The following DLGAP2 variants were observed in gnomAD, a reference collection of about 807,000 sequenced individuals.
The protein encoded by DLGAP2 is disks large-associated protein 2.
In DLGAP2, 26 loss-of-function variants were observed where a neutral mutation model predicts 100.3. That is an observed-to-expected ratio of 0.26 (90% confidence interval 0.19 to 0.36). The LOEUF is 0.36. Ranked by LOEUF, DLGAP2 falls within the 10% of genes least tolerant of loss-of-function variation. The pLI is 1.00. For synonymous variants in DLGAP2, 886 were observed against 630.1 expected (o/e 1.41, Z -6.08); for missense variants, 1,858 against 1,453.2 (o/e 1.28, Z -4.53).
At chr8:859,323 G>T (rs1001131117) in intron 1 of DLGAP2, among the ~76,000 whole-genome samples, 7 of 152,130 alleles carry the variant, frequency 4.6e-5, no homozygotes, top group African/African-American at 1.7e-4. Flanking sequence ...TGTTGGCCAG[G>T]CTGGTCTGAA....
At chr8:1,240,675 C>T (rs1426371004) in intron 2 of DLGAP2, among the ~76,000 whole-genome samples, 4 of 151,430 alleles carry the variant, frequency 2.6e-5, no homozygotes, top group Non-Finnish European at 4.4e-5. Flanking sequence ...CTGGTTCTCT[C>T]ACATGGCGCC....
At chr8:1,417,729 A>ACTCCTGCCTCACT (rs1796970429) in intron 3 of DLGAP2, among the ~76,000 whole-genome samples, 3 of 12,686 alleles carry the variant, frequency 2.4e-4, no homozygotes, top group Non-Finnish European at 5.3e-4. Flanking sequence ...GGCTCCAGAC[A>ACTCCTGCCTCACT]CAGAAGCCCA....
intron 3 of DLGAP2, among the ~76,000 whole-genome samples, chr8:1,287,327 G>GTGTA (rs1799948602): frequency 7.2e-6 from 1 of 139,600 alleles, no homozygotes; most frequent in African/African-American, 2.8e-5. Context: ...GTGTGTGTGT[G>GTGTA]TGTGTGCGTG....
intron 4 of DLGAP2, among the ~76,000 whole-genome samples, chr8:1,501,904 C>T (rs368210697): frequency 6.6e-6 from 1 of 152,202 alleles, no homozygotes; most frequent in Non-Finnish European, 1.5e-5. Flanking sequence ...TGCCACGACA[C>T]ACTTTCCCCG....
intron 6 of DLGAP2, among the ~76,000 whole-genome samples, chr8:1,607,486 C>T (rs1177821197): frequency 6.6e-6 from 1 of 152,210 alleles, no homozygotes; most frequent in Admixed American, 6.5e-5. Flanking sequence ...AAATACATTT[C>T]ACAGTTGAAA....
At chr8:1,026,412 C>T (rs1052363849) in intron 2 of DLGAP2, among the ~76,000 whole-genome samples, 6 of 152,278 alleles carry the variant, frequency 3.9e-5, no homozygotes, top group Admixed American at 1.3e-4. Context: ...CGAGGACGCC[C>T]GCCGCCTTGG....
At chr8:798,499 A>C (rs1385888508) in intron 1 of DLGAP2, among the ~76,000 whole-genome samples, 2 of 139,214 alleles carry the variant, frequency 1.4e-5, no homozygotes, top group Non-Finnish European at 3.1e-5. Context: ...TTGGCACTGA[A>C]AGCAAACGCT....
At chr8:1,170,761 G>T (rs999189519) in intron 2 of DLGAP2, among the ~76,000 whole-genome samples, 7 of 150,218 alleles carry the variant, frequency 4.7e-5, no homozygotes, top group Admixed American at 4.0e-4. Flanking sequence ...GCATCTATTT[G>T]ATTCTTTTCT....
Position 1,706,163 on chromosome 8 carries a change from G to A in DLGAP2, c.*4757G>A, listed in dbSNP as rs1428742513. On this transcript the variant is annotated 3_prime_UTR_variant, in exon 15 of 15. Coordinates refer to ENST00000637795, the MANE Select transcript of DLGAP2 (RefSeq NM_001346810.2). ...CCCCAGTGCAGGGTGGCAGCAGAAT[G>A]TTCTGGAAATGAAGGAGATATTGCT... The A allele has an allele frequency of 6.6e-6, 1 of 152,236 alleles. No homozygotes were observed. The highest frequency in any genetic ancestry group is 1.9e-4 in the East Asian group (1 of 5,202). 9.4% of individuals were successfully genotyped at this position (152,236 alleles called of 1,614,324 possible).
chr8:819,477 A>G (rs1263122774), intron 1 of DLGAP2, among the ~76,000 whole-genome samples: 1 of 152,188 alleles, frequency 6.6e-6, no homozygotes, highest in Non-Finnish European at 1.5e-5. Flanking sequence ...CTATTATTCC[A>G]TTTCTTCTGA....
At position 823,153 on chromosome 8, in the gene DLGAP2, G is replaced by C. The variant is rs546789590; in HGVS notation, c.19-84759G>C. ...GCAGCTTCACACGTTCTGGCTCAGA[G>C]TTCCGATACTTTCTCTACCCACTTG... On this transcript the variant is annotated intron_variant, in intron 1 of 14. Transcript: ENST00000637795. Among the ~76,000 whole-genome samples the C allele has an allele frequency of 5.5e-4, 84 of 152,144 alleles. 1 individual carries two copies. Among genetic ancestry groups the C allele is most frequent in the Admixed American group, 2.6e-3 (39 of 15,278 alleles).
At chr8:1,495,263 G>A (rs1266853779) in intron 3 of DLGAP2, among the ~76,000 whole-genome samples, 2 of 151,846 alleles carry the variant, frequency 1.3e-5, no homozygotes, top group Non-Finnish European at 2.9e-5. Flanking sequence ...AGCGACACCA[G>A]ACAGCCAGTG....
intron 3 of DLGAP2, among the ~76,000 whole-genome samples, chr8:1,271,235 C>T (rs1189619419): frequency 6.6e-6 from 1 of 152,066 alleles, no homozygotes; most frequent in Non-Finnish European, 1.5e-5. Flanking sequence ...TGGTAAAAAT[C>T]CAGCTTTCTC....
intron 1 of DLGAP2, among the ~76,000 whole-genome samples, chr8:873,886 G>T (rs1485912319): frequency 2.6e-5 from 4 of 152,148 alleles, no homozygotes; most frequent in Non-Finnish European, 5.9e-5. Flanking sequence ...TTGATTTGCA[G>T]TCTTCACTCT....
intron 3 of DLGAP2, among the ~76,000 whole-genome samples, chr8:1,423,673 G>C (rs1467710320): frequency 6.6e-6 from 1 of 152,236 alleles, no homozygotes; most frequent in African/African-American, 2.4e-5. Flanking sequence ...TGTGCGTTGA[G>C]AGCCTGGCAT....
intron 1 of DLGAP2, among the ~76,000 whole-genome samples, chr8:770,718 G>A (rs1323943026): frequency 6.6e-6 from 1 of 152,148 alleles, no homozygotes; most frequent in Non-Finnish European, 1.5e-5. Flanking sequence ...TGTGGAACAG[G>A]TTCAGGGGGT....
At chr8:792,831 C>T (rs1048762126) in intron 1 of DLGAP2, among the ~76,000 whole-genome samples, 6 of 152,144 alleles carry the variant, frequency 3.9e-5, no homozygotes, top group African/African-American at 1.4e-4. Context: ...TATTTTAATA[C>T]AGTGTTGGAT....
chr8:851,465 A>G (rs1311001870), intron 1 of DLGAP2, among the ~76,000 whole-genome samples: 2 of 152,360 alleles, frequency 1.3e-5, no homozygotes, highest in East Asian at 3.9e-4. Context: ...TAGGTAATTT[A>G]AAATAATGTG....
chr8:1,008,312 G>A (rs940060153), intron 2 of DLGAP2, among the ~76,000 whole-genome samples: 2 of 152,178 alleles, frequency 1.3e-5, no homozygotes, highest in Admixed American at 1.3e-4. Flanking sequence ...TTTCAGCTTT[G>A]TTTACCTTCC....
Sources: allele counts gnomAD v4.1 joint callset (sites outside exome capture counted in the v4.1 genomes callset), GRCh38; gene constraint gnomAD v4.1.1; transcripts MANE v1.5; gene names NCBI Gene and HGNC (gene_info 2026-07-23, HGNC 2026-07-21).